Variants in PHKB observed in about 807,000 individuals in gnomAD.
The protein encoded by PHKB is phosphorylase kinase regulatory subunit beta.
In PHKB, 122 loss-of-function variants were observed where a neutral mutation model predicts 152.1. The observed-to-expected ratio is 0.80, with a 90% CI of 0.69 to 0.93. PHKB has a LOEUF of 0.93. Among genes scored for constraint, PHKB ranks in the 40% least tolerant of loss-of-function variants. The pLI is 0.00. For missense variants in PHKB, 1,304 were observed against 1,328.4 expected (o/e 0.98, Z 0.29); for synonymous variants, 436 against 464.9 (o/e 0.94, Z 0.80).
chr16:47,663,568 G>A (rs1973481074), intron 23 of PHKB, 109 bp from the exon 24 acceptor site: 2 of 827,032 alleles, frequency 2.4e-6, no homozygotes, highest in Admixed American at 2.0e-5. Flanking sequence ...ATGGATCGAT[G>A]TATCAACTCT....
chr16:47,665,881 C>A, intron 25 of PHKB: 1 of 1,120,344 alleles, frequency 8.9e-7, no homozygotes, highest in South Asian at 1.2e-5. Flanking sequence ...AATCAGGGCC[C>A]CATGCATTCC....
At chr16:47,587,205 C>A (rs1224501018) in intron 8 of PHKB, among the ~76,000 whole-genome samples, 1 of 152,102 alleles carries the variant, frequency 6.6e-6, no homozygotes, top group African/African-American at 2.4e-5. Context: ...ATTTGAGATT[C>A]TCCTGTCTTC....
intron 4 of PHKB, among the ~76,000 whole-genome samples, chr16:47,503,995 C>T (rs1372541895): frequency 1.3e-5 from 2 of 152,156 alleles, no homozygotes; most frequent in Admixed American, 6.5e-5. Context: ...ATAGTAAGTG[C>T]CCATACGTGT....
intron 1 of PHKB, 94 bp downstream of exon 1, chr16:47,461,520 A>G: frequency 2.4e-6 from 3 of 1,268,910 alleles, no homozygotes; most frequent in Non-Finnish European, 3.4e-6. Context: ...GGCCCTGGGA[A>G]TGAACCTGTG....
intron 6 of PHKB, among the ~76,000 whole-genome samples, chr16:47,536,421 T>C (rs986891598): frequency 6.6e-6 from 1 of 152,168 alleles, no homozygotes; most frequent in African/African-American, 2.4e-5. Flanking sequence ...TAAATCATAG[T>C]ATTATTTGTG....
intron 14 of PHKB, among the ~76,000 whole-genome samples, chr16:47,630,700 C>T (rs1597136850): frequency 6.6e-6 from 1 of 152,190 alleles, no homozygotes. Context: ...TTTGGTCAAA[C>T]ACTATTCTGA....
chr16:47,578,735 A>G (rs560596340), intron 7 of PHKB, among the ~76,000 whole-genome samples: 156 of 152,274 alleles, frequency 1.0e-3, no homozygotes, highest in Non-Finnish European at 1.6e-3. Context: ...GTTTTCTGAC[A>G]CCACCATGAC....
chr16:47,688,893 T>G (rs1014488862), intron 26 of PHKB, 148 bp from the exon 27 acceptor site: 6 of 817,846 alleles, frequency 7.3e-6, no homozygotes, highest in Non-Finnish European at 1.3e-5. Flanking sequence ...TTGATGGAAG[T>G]AATTGTATCA....
chr16:47,664,881 C>G lies in PHKB; in HGVS notation c.2337-4C>G. The G allele has an allele frequency of 6.2e-7, 1 of 1,608,676 alleles. No individual in the cohort carries two copies. Among genetic ancestry groups the G allele is most frequent in the African/African-American group, 1.3e-5 (1 of 74,902 alleles). Reference sequence around the variant, plus strand: ...CTTTTATGGCTTTCCACTGACACACCCAGGTTGGCGGTGCGCTACGGGGCT... The same window carrying G: ...CTTTTATGGCTTTCCACTGACACACGCAGGTTGGCGGTGCGCTACGGGGCT... On this transcript the variant is annotated splice_polypyrimidine_tract_variant and splice_region_variant and intron_variant, in intron 24 of 30. Transcript: ENST00000323584.
At chr16:47,598,034 C>T (rs1972154558) in intron 13 of PHKB, 1 of 151,950 alleles carries the variant, frequency 6.6e-6, no homozygotes, top group African/African-American at 2.4e-5. Context: ...TTAAAACTAT[C>T]AGAAAACAGA....
Position 47,664,872 on chromosome 16 carries a change from C to G in PHKB, c.2337-13C>G. 1 of 1,598,874 alleles carries G rather than the reference C, an allele frequency of 6.3e-7. No homozygotes were observed. Among genetic ancestry groups the G allele is most frequent in the Non-Finnish European group, 8.6e-7 (1 of 1,166,664 alleles). On this transcript the variant is annotated splice_polypyrimidine_tract_variant and intron_variant, in intron 24 of 30. Coordinates refer to ENST00000323584, the MANE Select transcript of PHKB (RefSeq NM_000293.3). The stretch of plus-strand genomic sequence containing the variant: ...CTATTTTCCCTTTTATGGCTTTCCA[C>G]TGACACACCCAGGTTGGCGGTGCGC...
chr16:47,605,690 G>A (rs1972309856), intron 13 of PHKB, among the ~76,000 whole-genome samples: 1 of 151,860 alleles, frequency 6.6e-6, no homozygotes, highest in South Asian at 2.1e-4. Flanking sequence ...TGCTTTCATT[G>A]GTTTGGTTTA....
At chr16:47,483,689 T>C (rs1182783051) in intron 1 of PHKB, among the ~76,000 whole-genome samples, 1 of 152,146 alleles carries the variant, frequency 6.6e-6, no homozygotes, top group African/African-American at 2.4e-5. Flanking sequence ...GAGAATAGAA[T>C]AGAACACACT....
chr16:47,591,304 C>T (rs1011585062), intron 10 of PHKB, among the ~76,000 whole-genome samples: 5 of 152,168 alleles, frequency 3.3e-5, no homozygotes, highest in African/African-American at 1.2e-4. Flanking sequence ...ATGGCCTCTA[C>T]TTGGTGTCTC....
intron 1 of PHKB, among the ~76,000 whole-genome samples, chr16:47,473,184 T>TG (rs946544070): frequency 2.8e-5 from 4 of 144,560 alleles, no homozygotes; most frequent in Non-Finnish European, 6.1e-5. Flanking sequence ...TCCCTTCTGC[T>TG]GGGCCTATAG....
intron 20 of PHKB, among the ~76,000 whole-genome samples, chr16:47,657,777 G>A (rs760080067): frequency 2.0e-5 from 3 of 152,100 alleles, no homozygotes; most frequent in Non-Finnish European, 4.4e-5. Context: ...TTCAGCATTA[G>A]CTATCAGCTT....
intron 29 of PHKB, among the ~76,000 whole-genome samples, 181 bp from the exon 30 acceptor site, chr16:47,698,267 C>A (rs534842888): frequency 1.3e-5 from 2 of 152,242 alleles, no homozygotes; most frequent in East Asian, 3.9e-4. Flanking sequence ...AAAAAAGGTG[C>A]ACTTTCCAAA....
chr16:47,675,581 C>T (rs1973716892), intron 26 of PHKB: 1 of 151,610 alleles, frequency 6.6e-6, no homozygotes, highest in Non-Finnish European at 1.5e-5. Context: ...GTCTTCTGGT[C>T]CTAGGTTTGC....
intron 7 of PHKB, among the ~76,000 whole-genome samples, chr16:47,552,446 A>C (rs1971288912): frequency 6.6e-6 from 1 of 152,172 alleles, no homozygotes; most frequent in South Asian, 2.1e-4. Flanking sequence ...TCGTCTGTAA[A>C]GGATTTTATT....
Sources: gnomAD v4.1 joint callset for allele counts (sites outside exome capture counted in the v4.1 genomes callset) on GRCh38, gnomAD v4.1.1 for gene constraint, MANE v1.5 for transcripts, NCBI Gene and HGNC (gene_info 2026-07-23, HGNC 2026-07-21) for gene names.